CDS2: variants seen among roughly 807,000 people sequenced by gnomAD.
CDS2 encodes the protein phosphatidate cytidylyltransferase 2.
CDS2 carries 47 observed loss-of-function variants against 59.0 expected under a neutral mutation model. That is an observed-to-expected ratio of 0.80 (90% confidence interval 0.63 to 1.02). The LOEUF is 1.02. CDS2 is among the 50% of genes least tolerant of loss of function. CDS2 has a pLI of 0.00. For missense variants in CDS2, 356 were observed against 558.9 expected, an observed-to-expected ratio of 0.64 and a Z score of 3.66; for synonymous variants, 207 against 206.4, an observed-to-expected ratio of 1.00 and a Z score of -0.02.
chr20:5,168,284 G>T (rs147692519), intron 1 of CDS2, among the ~76,000 whole-genome samples: 1 of 151,654 alleles, frequency 6.6e-6, no homozygotes, highest in Non-Finnish European at 1.5e-5. Context: ...GCGTGTTGGC[G>T]GGCACTTGTA....
rs1162601058 is a variant in CDS2 at position 5,176,712 on chromosome 20, C to CAT, written c.359_360dup (p.Asp121MetfsTer17). 6.2e-7 allele frequency: 1 copy of CAT among 1,613,906 alleles called. No homozygotes were observed. On this transcript the variant is annotated frameshift_variant, in exon 4 of 13. Transcript: ENST00000460006. LOFTEE classifies it high-confidence loss of function. ...ACTATTGGCTACAACGTCTACCACT[C>CAT]ATATGATCTGCCCTGGTTCAGGACG...
At chr20:5,171,688 TG>T (rs2123037078) in intron 1 of CDS2, among the ~76,000 whole-genome samples, 1 of 152,322 alleles carries the variant, frequency 6.6e-6, no homozygotes, top group African/African-American at 2.4e-5. Context: ...AGTGGTGTAC[TG>T]GGACACAGCC....
At chr20:5,131,064 GCCTGGGC>G (rs986837784) in intron 1 of CDS2, among the ~76,000 whole-genome samples, 4 of 147,872 alleles carry the variant, frequency 2.7e-5, no homozygotes, top group Non-Finnish European at 5.9e-5. Context: ...CTGCACGCCA[GCCTGGGC>G]GACAGAGCAA....
chr20:5,186,802 A>G lies in CDS2; in HGVS notation c.944A>G (p.Tyr315Cys), dbSNP rs752858402. The part of the protein sequence containing the change: ...EPSDLFRLQE[Y>C]NIPGVIQSVI... ...TCGGACCTGTTTCGCCTGCAGGAGT[A>G]CAACATTCCTGGGGTGATCCAGTCA... is the stretch of plus-strand genomic sequence containing the variant. Residue 315 changes from tyrosine (Y) to cysteine (C), a missense_variant, in exon 10 of 13, where the codon TAC (tyrosine) becomes TGC (cysteine). Tyr to Cys is a radical substitution (Grantham distance 194, BLOSUM62 -2). Around this residue, in one of 5 missense-constraint regions of CDS2, gnomAD observed 88 missense variants for 103.6 expected, o/e 0.85. Transcript: ENST00000460006. 16 of 1,614,024 alleles carry G rather than the reference A, an allele frequency of 9.9e-6. No individual in the cohort carries two copies. Among genetic ancestry groups the G allele is most frequent in the African/African-American group, 1.3e-5 (1 of 74,898 alleles).
At chr20:5,150,200 G>A (rs1809377446) in intron 1 of CDS2, among the ~76,000 whole-genome samples, 1 of 152,210 alleles carries the variant, frequency 6.6e-6, no homozygotes, top group Non-Finnish European at 1.5e-5. Context: ...GTGTGGCTTT[G>A]TGTTGGCTGG....
At chr20:5,146,880 C>G (rs533482539) in intron 1 of CDS2, among the ~76,000 whole-genome samples, 4 of 152,178 alleles carry the variant, frequency 2.6e-5, no homozygotes, top group African/African-American at 7.2e-5. Context: ...CTCTCTTGCC[C>G]TTCTACCTTC....
intron 1 of CDS2, among the ~76,000 whole-genome samples, chr20:5,147,290 A>G (rs1039175167): frequency 6.6e-6 from 1 of 152,200 alleles, no homozygotes; most frequent in Non-Finnish European, 1.5e-5. Flanking sequence ...AGAGTAGATG[A>G]GACCAGTTGT....
rs2091169740 is a variant in CDS2 at position 5,197,775 on chromosome 20, A to G, written c.*7541A>G. ...GTGATCCATGTTGAACAATACATGTAGGTTCTTTTTCCACGCAATGTAAGA... is the reference window on the plus strand; with the variant it reads ...GTGATCCATGTTGAACAATACATGTGGGTTCTTTTTCCACGCAATGTAAGA... On this transcript the variant is annotated 3_prime_UTR_variant, in exon 13 of 13. Transcript: ENST00000460006. 6.6e-6 allele frequency: 1 copy of G among 152,126 alleles called. No homozygotes were observed. Among genetic ancestry groups the G allele is most frequent in the Non-Finnish European group, 1.5e-5 (1 of 68,012 alleles). 9.4% of individuals were successfully genotyped at this position (152,126 alleles called of 1,614,324 possible).
At chr20:5,152,007 G>A (rs1231090433) in intron 1 of CDS2, among the ~76,000 whole-genome samples, 10 of 142,648 alleles carry the variant, frequency 7.0e-5, no homozygotes, top group South Asian at 6.7e-4. Flanking sequence ...CAGAAGATCC[G>A]CCTGCCTCAG....
At chr20:5,147,161 A>G (rs1342449351) in intron 1 of CDS2, among the ~76,000 whole-genome samples, 1 of 152,222 alleles carries the variant, frequency 6.6e-6, no homozygotes, top group African/African-American at 2.4e-5. Context: ...GAAAAGGAGA[A>G]TGGATGTTGG....
At chr20:5,183,730 G>T (rs935969170) in intron 7 of CDS2, among the ~76,000 whole-genome samples, 4 of 152,152 alleles carry the variant, frequency 2.6e-5, no homozygotes, top group Non-Finnish European at 4.4e-5. Context: ...TAAAATACTA[G>T]CAAATAGAAT....
chr20:5,135,430 G>A (rs80204602), intron 1 of CDS2, among the ~76,000 whole-genome samples: 1,804 of 151,472 alleles, frequency 0.012, 37 homozygotes, highest in African/African-American at 0.041. Flanking sequence ...AGGCTGTTGG[G>A]GGTGAAAAAG....
chr20:5,179,607 G>T (rs1568542291), intron 5 of CDS2, among the ~76,000 whole-genome samples: 1 of 152,222 alleles, frequency 6.6e-6, no homozygotes, highest in Non-Finnish European at 1.5e-5. Flanking sequence ...CTTTAGGGGA[G>T]TCATTTTAGG....
intron 5 of CDS2, among the ~76,000 whole-genome samples, chr20:5,179,787 CTT>C (rs2091020375): frequency 6.6e-6 from 1 of 152,150 alleles, no homozygotes; most frequent in Non-Finnish European, 1.5e-5. Flanking sequence ...TACATTAAAA[CTT>C]CACAAACATT....
chr20:5,168,272 G>T (rs918562513), intron 1 of CDS2, among the ~76,000 whole-genome samples: 1 of 151,776 alleles, frequency 6.6e-6, no homozygotes, highest in Non-Finnish European at 1.5e-5. Context: ...AAAATTATCT[G>T]GGCGTGTTGG....
intron 1 of CDS2, among the ~76,000 whole-genome samples, chr20:5,148,472 T>TGTGGAAACTGAGGCTC (rs1245163261): frequency 5.9e-5 from 9 of 152,206 alleles, no homozygotes; most frequent in African/African-American, 2.2e-4. Flanking sequence ...TTTTGTTACA[T>TGTGGAAACTGAGGCTC]GTGGAAACTG....
intron 10 of CDS2, 132 bp from the exon 11 acceptor site, chr20:5,188,935 C>G: frequency 8.8e-7 from 1 of 1,136,798 alleles, no homozygotes; most frequent in Non-Finnish European, 1.3e-6. Context: ...CCCTGTGACC[C>G]AAACACCTCC....
At chr20:5,189,937 A>G in intron 12 of CDS2, 99 bp downstream of exon 12, 1 of 1,342,792 alleles carries the variant, frequency 7.4e-7, no homozygotes, top group Non-Finnish European at 1.0e-6. Flanking sequence ...AAGCATCCCA[A>G]ATAATGCAGT....
Position 5,195,717 on chromosome 20 carries a change from A to G in CDS2, c.*5483A>G, listed in dbSNP as rs1365869456. On this transcript the variant is annotated 3_prime_UTR_variant, in exon 13 of 13. Transcript: ENST00000460006. ...GCTTTGTAGGGGATTATGTAGACTA[A>G]AAGCCTAGAAGTTCTGCCCACATCC... 1 of 152,164 alleles carries G rather than the reference A, an allele frequency of 6.6e-6. No homozygotes were observed. Among genetic ancestry groups the G allele is most frequent in the East Asian group, 1.9e-4 (1 of 5,190 alleles). 9.4% of individuals were successfully genotyped at this position (152,164 alleles called of 1,614,324 possible). A position where few individuals can be genotyped will look rare whatever the true frequency, so the allele number is the denominator to read the frequency against.
Sources: allele counts gnomAD v4.1 joint callset (sites outside exome capture counted in the v4.1 genomes callset), GRCh38; gene constraint gnomAD v4.1.1; regional missense constraint gnomAD v4.1.1; transcripts MANE v1.5; gene names NCBI Gene and HGNC (gene_info 2026-07-23, HGNC 2026-07-21).